WSCD1: variants seen among roughly 807,000 people sequenced by gnomAD.
The protein encoded by WSCD1 is sialate:O-sulfotransferase 1.
In WSCD1, 41 loss-of-function variants were observed where a neutral mutation model predicts 60.4. That is an observed-to-expected ratio of 0.68 (90% CI 0.53 to 0.88). The LOEUF is 0.88. Ranked by LOEUF, WSCD1 falls within the 40% of genes least tolerant of loss-of-function variation. The pLI is 0.00. For synonymous variants in WSCD1, 361 were observed against 332.5 expected (o/e 1.09, Z -0.93); for missense variants, 784 against 796.2 (o/e 0.98, Z 0.18).
chr17:6,097,865 G>A (rs1422832664), intron 5 of WSCD1, among the ~76,000 whole-genome samples: 1 of 152,132 alleles, frequency 6.6e-6, no homozygotes, highest in Non-Finnish European at 1.5e-5. Context: ...TGTGTGTTGG[G>A]GGGCTCAAAG....
At position 6,070,649 on chromosome 17, in the gene WSCD1, C is replaced by G. The variant is rs1947263315; in HGVS notation, c.-292C>G. 6.7e-6 allele frequency: 1 copy of G among 150,072 alleles called. No homozygotes were observed. Among genetic ancestry groups the G allele is most frequent in the Non-Finnish European group, 1.5e-5 (1 of 67,448 alleles). 9.3% of individuals were successfully genotyped at this position (150,072 alleles called of 1,614,324 possible). A position where few individuals can be genotyped will look rare whatever the true frequency, so the allele number is the denominator to read the frequency against. ...CGGGCGCCCCAGCCGGCCGCGATCG[C>G]GGGGTGAGTCCTGTCTCTCGGCGCT... On this transcript the variant is annotated 5_prime_UTR_variant, in exon 1 of 9. Coordinates refer to ENST00000317744, the MANE Select transcript of WSCD1 (RefSeq NM_015253.2).
intron 1 of WSCD1, among the ~76,000 whole-genome samples, 182 bp downstream of exon 1, chr17:6,070,834 C>T (rs1450832909): frequency 9.7e-6 from 1 of 102,568 alleles, no homozygotes; most frequent in African/African-American, 3.7e-5. Context: ...GCGGCTCGGC[C>T]GGGGCAGGGG....
chr17:6,099,485 A>G (rs1220983606), intron 5 of WSCD1, among the ~76,000 whole-genome samples: 2 of 151,952 alleles, frequency 1.3e-5, no homozygotes, highest in South Asian at 2.1e-4. Flanking sequence ...ACCGCGCTCC[A>G]GCCTGGGCGA....
chr17:6,070,835 G>A (rs1279740136), intron 1 of WSCD1, among the ~76,000 whole-genome samples, 183 bp downstream of exon 1: 2 of 151,300 alleles, frequency 1.3e-5, no homozygotes, highest in Non-Finnish European at 3.0e-5. Context: ...CGGCTCGGCC[G>A]GGGCAGGGGA....
intron 4 of WSCD1, among the ~76,000 whole-genome samples, chr17:6,094,536 TGAAGGAAGGAAGAAA>T (rs1910263425): frequency 1.5e-5 from 2 of 133,004 alleles, no homozygotes; most frequent in South Asian, 2.4e-4. Context: ...CCAAATTTGT[TGAAGGAAGGAAGAAA>T]GAAGGAAGGA....
At chr17:6,094,579 AGAAGGAAG>A (rs1910270799) in intron 4 of WSCD1, among the ~76,000 whole-genome samples, 1 of 141,908 alleles carries the variant, frequency 7.0e-6, no homozygotes, top group Admixed American at 7.3e-5. Flanking sequence ...AAAAGGAAGG[AGAAGGAAG>A]GGAGGAAGGA....
intron 8 of WSCD1, among the ~76,000 whole-genome samples, chr17:6,119,388 A>G (rs575494661): frequency 1.3e-5 from 2 of 152,346 alleles, no homozygotes; most frequent in Non-Finnish European, 2.9e-5. Flanking sequence ...AGGCATGCAC[A>G]GCTGAGCCTT....
In WSCD1 at chr17:6,110,653, G is replaced by A; in HGVS notation, c.1010-118G>A. On this transcript the variant is annotated intron_variant, in intron 6 of 8. Transcript: ENST00000317744. The surrounding 1 kb of genome is among the most constrained non-coding windows in gnomAD (Gnocchi z 4.8). ...AGATCTCTTCCCTTCTTTGGGCCTT[G>A]GTTCCCCCATCTATTAAATGGGAGT... 11 of 1,331,350 alleles carry A rather than the reference G, an allele frequency of 8.3e-6. No individual in the cohort carries two copies. Among genetic ancestry groups the A allele is most frequent in the Non-Finnish European group, 1.1e-5 (11 of 967,744 alleles). The allele number at this position is 1,331,350 out of a possible 1,614,324, so 82.5% of individuals were successfully genotyped here.
chr17:6,103,052 G>A (rs1004906248), intron 5 of WSCD1, among the ~76,000 whole-genome samples: 1 of 152,156 alleles, frequency 6.6e-6, no homozygotes, highest in Non-Finnish European at 1.5e-5. Flanking sequence ...GGGCTTTAGA[G>A]TCGTGGTAAC....
At position 6,123,872 on chromosome 17, in the gene WSCD1, C is replaced by A. The variant is rs1904856792; in HGVS notation, c.*3211C>A. The A allele has an allele frequency of 6.6e-6, 1 of 152,212 alleles. No individual in the cohort carries two copies. Among genetic ancestry groups the A allele is most frequent in the Non-Finnish European group, 1.5e-5 (1 of 68,032 alleles). The allele number at this position is 152,212 out of a possible 1,614,324, so 9.4% of individuals were successfully genotyped here. A position where few individuals can be genotyped will look rare whatever the true frequency, so the allele number is the denominator to read the frequency against. ...AGGTTGTAGTCCCAGCTCTTATCTGCCATCTTGGACAAAGCTTTTCCCATC... is the reference window on the plus strand; with the variant it reads ...AGGTTGTAGTCCCAGCTCTTATCTGACATCTTGGACAAAGCTTTTCCCATC... On this transcript the variant is annotated 3_prime_UTR_variant, in exon 9 of 9. Coordinates refer to ENST00000317744, the MANE Select transcript of WSCD1 (RefSeq NM_015253.2).
At chr17:6,069,429 GA>G (rs1567546314), upstream of WSCD1, 1,331 of 42,610 alleles carry the variant, frequency 0.031, 15 homozygotes, top group African/African-American at 0.076. Flanking sequence ...GTGTGTGTGT[GA>G]GAGAGAGAGA....
intron 2 of WSCD1, among the ~76,000 whole-genome samples, chr17:6,081,421 T>C (rs1457380722): frequency 6.6e-6 from 1 of 151,914 alleles, no homozygotes; most frequent in African/African-American, 2.4e-5. Flanking sequence ...ATTGAATATA[T>C]GAAAATAGGT....
rs1904427915 is a variant in WSCD1, at chr17:6,118,270, A to G, written c.1375+82A>G. ...ATCAGGATGCAGGATCAATTTACAC[A>G]GGTAGGCACTGCAGGATGCAGGATC... On this transcript the variant is annotated intron_variant, in intron 8 of 8. Coordinates refer to ENST00000317744, the MANE Select transcript of WSCD1 (RefSeq NM_015253.2). The surrounding 1 kb of genome is among the most constrained non-coding windows in gnomAD (Gnocchi z 5.8). 1 of 1,428,718 alleles carries G rather than the reference A, an allele frequency of 7.0e-7. No homozygotes were observed. Among genetic ancestry groups the G allele is most frequent in the Non-Finnish European group, 9.6e-7 (1 of 1,040,492 alleles). 88.5% of individuals were successfully genotyped at this position (1,428,718 alleles called of 1,614,324 possible). A position where few individuals can be genotyped will look rare whatever the true frequency, so the allele number is the denominator to read the frequency against.
chr17:6,077,581 G>T (rs550627262), intron 1 of WSCD1, among the ~76,000 whole-genome samples: 1 of 152,166 alleles, frequency 6.6e-6, no homozygotes. Context: ...TGGGAAGGGG[G>T]AGCGCCAGAA....
At position 6,118,257 on chromosome 17, in the gene WSCD1, G is replaced by T; in HGVS notation, c.1375+69G>T. On this transcript the variant is annotated intron_variant, in intron 8 of 8. Coordinates refer to ENST00000317744, the MANE Select transcript of WSCD1 (RefSeq NM_015253.2). This position sits in a 1 kb window ranked among gnomAD's most constrained non-coding sequence, Gnocchi z 5.8. ...AGGTAGGTTGCTCATCAGGATGCAG[G>T]ATCAATTTACACAGGTAGGCACTGC... 6.5e-7 allele frequency: 1 copy of T among 1,529,608 alleles called. No individual in the cohort carries two copies. The highest frequency in any genetic ancestry group is 8.9e-7 in the Non-Finnish European group (1 of 1,122,062). The allele number at this position is 1,529,608 out of a possible 1,614,324, so 94.8% of individuals were successfully genotyped here. A position where few individuals can be genotyped will look rare whatever the true frequency, so the allele number is the denominator to read the frequency against.
At chr17:6,085,922 C>T (rs1427010439) in intron 2 of WSCD1, among the ~76,000 whole-genome samples, 4 of 152,072 alleles carry the variant, frequency 2.6e-5, no homozygotes, top group Non-Finnish European at 4.4e-5. Flanking sequence ...GAGAGATGCA[C>T]GTGGGACTGG....
chr17:6,076,755 T>C (rs769788314), intron 1 of WSCD1, among the ~76,000 whole-genome samples: 9 of 152,182 alleles, frequency 5.9e-5, no homozygotes, highest in Non-Finnish European at 1.0e-4. Flanking sequence ...CCTATGCAGA[T>C]GAGCAGTGGC....
At position 6,095,166 on chromosome 17, in the gene WSCD1, C is replaced by T; in HGVS notation, c.792C>T (p.Ser264=). The part of the protein sequence containing the change: ...LPENITHAFP[S]SLIQANVTVG... ...AGAACATCACACATGCCTTCCCCAG[C>T]TCCCTGATACAGGCCAATGTGACCG... The change falls in exon 5 of 9, where the codon AGC becomes AGT. Residue 264 remains serine, a synonymous_variant. Coordinates refer to ENST00000317744, the MANE Select transcript of WSCD1 (RefSeq NM_015253.2). The T allele has an allele frequency of 6.2e-7, 1 of 1,613,850 alleles. No individual in the cohort carries two copies. Among genetic ancestry groups the T allele is most frequent in the Non-Finnish European group, 8.5e-7 (1 of 1,179,882 alleles).
rs117174530 is a variant in WSCD1 at position 6,106,802 on chromosome 17, C to T, written c.850-2805C>T. Among the ~76,000 whole-genome samples the T allele has an allele frequency of 8.3e-3, 1,265 of 152,036 alleles. 16 individuals are homozygous for T. The highest frequency in any genetic ancestry group is 0.013 in the Non-Finnish European group (898 of 67,986). On this transcript the variant is annotated intron_variant, in intron 5 of 8. Coordinates refer to ENST00000317744, the MANE Select transcript of WSCD1 (RefSeq NM_015253.2). The stretch of plus-strand genomic sequence containing the variant: ...TGAAAAGGGGGTGGCCAGGGAAGGC[C>T]CCACAGAGAAGGTGACTTGAAGAAA...
Sources: gnomAD v4.1 joint callset for allele counts (sites outside exome capture counted in the v4.1 genomes callset) on GRCh38, gnomAD v4.1.1 for gene constraint, Gnocchi (gnomAD v3.1) non-coding constraint, MANE v1.5 for transcripts, NCBI Gene and HGNC (gene_info 2026-07-23, HGNC 2026-07-21) for gene names.